UBXN4: variants seen among roughly 807,000 people sequenced by gnomAD.
The protein encoded by UBXN4 is UBX domain-containing protein 4.
UBXN4 carries 35 observed loss-of-function variants against 66.2 expected under a neutral mutation model. The observed-to-expected ratio is 0.53, with a 90% CI of 0.40 to 0.70. The LOEUF (loss-of-function observed/expected upper bound fraction) is 0.70. UBXN4 is among the 30% of genes least tolerant of loss of function. UBXN4 has a pLI of 0.00. For missense variants in UBXN4, 533 were observed against 599.8 expected, an observed-to-expected ratio of 0.89 and a Z score of 1.16; for synonymous variants, 203 against 204.5, an observed-to-expected ratio of 0.99 and a Z score of 0.06.
At chr2:135,766,350 G>A (rs943257251) in intron 6 of UBXN4, among the ~76,000 whole-genome samples, 1 of 152,058 alleles carries the variant, frequency 6.6e-6, no homozygotes, top group Admixed American at 6.6e-5. Context: ...ATACAAGCAC[G>A]ATACCATTAT....
Position 135,776,339 on chromosome 2 carries a change from G to A in UBXN4, c.1041G>A (p.Gln347=). ...ATGCTCCTCTAGAAGAGGCAAGGCA[G>A]TTTGCTGCACAGGTAAATTTATGTC... The part of the protein sequence containing the change: ...PSDAPLEEAR[Q]FAAQTVGNTY... Residue 347 remains glutamine, a synonymous_variant, in exon 10 of 13, where the codon CAG becomes CAA. Coordinates refer to ENST00000272638, the MANE Select transcript of UBXN4 (RefSeq NM_014607.4). 1.2e-6 allele frequency: 2 copies of A among 1,613,418 alleles called. No homozygotes were observed. Among genetic ancestry groups the A allele is most frequent in the Non-Finnish European group, 8.5e-7 (1 of 1,179,572 alleles).
chr2:135,747,589 T>A, intron 1 of UBXN4: 1 of 456,572 alleles, frequency 2.2e-6, no homozygotes, highest in African/African-American at 2.0e-5. Context: ...GGAGTGGAGA[T>A]GTTGAACTCA....
At chr2:135,754,008 TATA>T (rs1233891397) in intron 3 of UBXN4, 148 bp from the exon 4 acceptor site, 7 of 610,310 alleles carry the variant, frequency 1.1e-5, no homozygotes, top group Admixed American at 9.4e-5. Context: ...ATACTACAGG[TATA>T]ATGATGCAGT....
intron 6 of UBXN4, among the ~76,000 whole-genome samples, chr2:135,765,458 G>A (rs2077341298): frequency 6.6e-6 from 1 of 151,802 alleles, no homozygotes; most frequent in South Asian, 2.1e-4. Flanking sequence ...TGATCTGCCC[G>A]CCTCGGCCTC....
chr2:135,778,202 A>G (rs2077429965), intron 10 of UBXN4, among the ~76,000 whole-genome samples: 1 of 151,450 alleles, frequency 6.6e-6, no homozygotes, highest in South Asian at 2.1e-4. Flanking sequence ...AAAAAAACCC[A>G]AAAAACAAAA....
intron 12 of UBXN4, 37 bp from the exon 13 acceptor site, chr2:135,782,712 A>G (rs1380801438): frequency 1.9e-6 from 3 of 1,599,580 alleles, no homozygotes; most frequent in African/African-American, 2.7e-5. Context: ...TTTTTATTTT[A>G]TGACATCTTC....
intron 10 of UBXN4, among the ~76,000 whole-genome samples, chr2:135,777,790 G>A (rs2077425722): frequency 6.6e-6 from 1 of 151,942 alleles, no homozygotes; most frequent in Admixed American, 6.6e-5. Context: ...GGCTGAGGCA[G>A]GAGAATCGCT....
Position 135,772,459 on chromosome 2 carries a change from G to A in UBXN4, c.862G>A (p.Glu288Lys), listed in dbSNP as rs942875727. Reference protein sequence around the residue: ...ERAARFAKTKEEVEAAKAAAL... With the variant: ...ERAARFAKTKKEVEAAKAAAL... Reference sequence around the variant, plus strand: ...AGCTGCTCGTTTTGCAAAGACAAAGGAAGAAGTAGAGGCTGCCAAAGCTGC... The same window carrying A: ...AGCTGCTCGTTTTGCAAAGACAAAGAAAGAAGTAGAGGCTGCCAAAGCTGC... Residue 288 changes from glutamate to lysine, a missense_variant, in exon 9 of 13, where the codon GAA becomes AAA. This residue lies in a region of UBXN4 where 529 missense variants were observed against 580.1 expected (regional missense o/e 0.91). Coordinates refer to ENST00000272638, the MANE Select transcript of UBXN4 (RefSeq NM_014607.4). 2 of 1,614,066 alleles carry A rather than the reference G, an allele frequency of 1.2e-6. No individual in the cohort carries two copies. Among genetic ancestry groups the A allele is most frequent in the South Asian group, 1.1e-5 (1 of 91,092 alleles).
chr2:135,752,353 T>G (rs1242360578), intron 2 of UBXN4, among the ~76,000 whole-genome samples: 1 of 152,182 alleles, frequency 6.6e-6, no homozygotes, highest in East Asian at 1.9e-4. Flanking sequence ...GGCCAATTTT[T>G]GTATTTTTAG....
chr2:135,779,114 A>T, intron 11 of UBXN4, 35 bp downstream of exon 11: 1 of 1,543,084 alleles, frequency 6.5e-7, no homozygotes, highest in Non-Finnish European at 8.7e-7. Context: ...TTCTCTTCTT[A>T]TTGTTTTCTG....
At chr2:135,758,416 T>A (rs1003608630) in intron 5 of UBXN4, among the ~76,000 whole-genome samples, 2 of 152,086 alleles carry the variant, frequency 1.3e-5, no homozygotes, top group Non-Finnish European at 2.9e-5. Context: ...GGTCTCACTA[T>A]GTTGCTTAGG....
chr2:135,759,001 C>T (rs1404181228), intron 5 of UBXN4, among the ~76,000 whole-genome samples: 7 of 152,286 alleles, frequency 4.6e-5, no homozygotes, highest in Non-Finnish European at 8.8e-5. Flanking sequence ...TCAGGTGATA[C>T]GCCTGCCTCA....
At chr2:135,770,492 G>T (rs1257601922) in intron 7 of UBXN4, 79 bp from the exon 8 acceptor site, 2 of 943,654 alleles carry the variant, frequency 2.1e-6, no homozygotes, top group African/African-American at 3.4e-5. Flanking sequence ...TCTTTTAACT[G>T]CAGTTTTCGT....
intron 2 of UBXN4, among the ~76,000 whole-genome samples, chr2:135,749,566 T>G (rs887357926): frequency 5.9e-5 from 9 of 152,028 alleles, no homozygotes; most frequent in Admixed American, 4.6e-4. Flanking sequence ...ATCCAAATAA[T>G]TTTGAAACAA....
intron 5 of UBXN4, among the ~76,000 whole-genome samples, chr2:135,757,132 C>A (rs2077282883): frequency 6.6e-6 from 1 of 152,236 alleles, no homozygotes; most frequent in East Asian, 1.9e-4. Context: ...ATATATCTTG[C>A]TGGAATGAAT....
At chr2:135,754,406 T>G (rs2105495358) in intron 4 of UBXN4, 129 bp downstream of exon 4, 2 of 660,962 alleles carry the variant, frequency 3.0e-6, no homozygotes, top group East Asian at 5.9e-5. Flanking sequence ...AAGTGCAGCC[T>G]CCGCCTCCCA....
chr2:135,745,875 C>CTTTTTTTTTTTT lies in UBXN4; in HGVS notation c.83-2382_83-2371dup, dbSNP rs59946844. On this transcript the variant is annotated intron_variant, in intron 1 of 12. Coordinates refer to ENST00000272638, the MANE Select transcript of UBXN4 (RefSeq NM_014607.4). Reference sequence around the variant, plus strand: ...TGTGGATGCATTCTAGTCCCGTTTACTTTTTTTTTTTTTTTTTTTTTGAGA... The same window carrying CTTTTTTTTTTTT: ...TGTGGATGCATTCTAGTCCCGTTTACTTTTTTTTTTTTTTTTTTTTTTTTTTTTTTTTTGAGA... Among the ~76,000 whole-genome samples, 534 of 74,404 alleles carry CTTTTTTTTTTTT rather than the reference C, an allele frequency of 7.2e-3. 110 individuals are homozygous for CTTTTTTTTTTTT. The highest frequency in any genetic ancestry group is 0.023 in the East Asian group (45 of 1,942). 48.8% of individuals were successfully genotyped at this position (74,404 alleles called of 152,430 possible).
chr2:135,746,615 G>A, intron 1 of UBXN4, among the ~76,000 whole-genome samples: 1 of 152,188 alleles, frequency 6.6e-6, no homozygotes, highest in East Asian at 1.9e-4. Context: ...AAAGTTTTAA[G>A]GGAGTTGGAA....
At chr2:135,764,721 G>T (rs1420785325) in intron 6 of UBXN4, among the ~76,000 whole-genome samples, 3 of 152,232 alleles carry the variant, frequency 2.0e-5, no homozygotes, top group Non-Finnish European at 4.4e-5. Flanking sequence ...GGCTGGGCTG[G>T]TCTTGAACTT....
Sources: allele counts gnomAD v4.1 joint callset (sites outside exome capture counted in the v4.1 genomes callset), GRCh38; gene constraint gnomAD v4.1.1; regional missense constraint gnomAD v4.1.1; transcripts MANE v1.5; gene names NCBI Gene and HGNC (gene_info 2026-07-23, HGNC 2026-07-21).